Variants in MYO9A observed in about 807,000 individuals in gnomAD.
MYO9A encodes unconventional myosin-IXa.
A neutral mutation model predicts 293.3 loss-of-function variants in MYO9A; 103 were observed. The observed-to-expected ratio is 0.35, with a 90% CI of 0.30 to 0.41. The LOEUF is 0.41. Among genes scored for constraint, MYO9A ranks in the 10% least tolerant of loss-of-function variants. The probability of loss-of-function intolerance (pLI) is 1.00; values close to 1 mark genes in which losing one functional copy is unlikely to be tolerated. For missense variants in MYO9A, 2,685 were observed against 3,033.0 expected (o/e 0.89, Z 2.69); for synonymous variants, 1,001 against 1,035.7 (o/e 0.97, Z 0.64).
chr15:71,968,882 C>A (rs1366286527), intron 12 of MYO9A, among the ~76,000 whole-genome samples: 1 of 152,040 alleles, frequency 6.6e-6, no homozygotes, highest in Non-Finnish European at 1.5e-5. Context: ...TTAATGGTAG[C>A]TGAAATAATG....
intron 1 of MYO9A, among the ~76,000 whole-genome samples, chr15:72,072,300 T>G (rs898257092): frequency 6.6e-6 from 1 of 151,690 alleles, no homozygotes; most frequent in African/African-American, 2.4e-5. Context: ...CCTGGCTAAT[T>G]TTTTGTATTT....
intron 26 of MYO9A, chr15:71,892,961 T>G (rs1439546327): frequency 8.0e-7 from 1 of 1,251,508 alleles, no homozygotes; most frequent in South Asian, 1.3e-5. Flanking sequence ...TGCTGTAAAA[T>G]TACCATTTCG....
At chr15:71,915,631 G>A (rs952486488) in intron 19 of MYO9A, among the ~76,000 whole-genome samples, 3 of 152,016 alleles carry the variant, frequency 2.0e-5, no homozygotes, top group African/African-American at 7.2e-5. Context: ...AGCTGCAAAA[G>A]AAGCATTTTA....
intron 17 of MYO9A, 48 bp from the exon 18 acceptor site, chr15:71,933,757 A>G: frequency 6.8e-7 from 1 of 1,479,436 alleles, no homozygotes; most frequent in Non-Finnish European, 9.3e-7. Context: ...ATAAAAACAA[A>G]AACAAAAGCT....
intron 18 of MYO9A, among the ~76,000 whole-genome samples, chr15:71,923,612 C>T (rs1426915507): frequency 1.3e-5 from 2 of 152,010 alleles, no homozygotes; most frequent in Non-Finnish European, 2.9e-5. Flanking sequence ...AGGAATTTAC[C>T]CATTTCTTCT....
intron 8 of MYO9A, among the ~76,000 whole-genome samples, chr15:72,002,726 G>A (rs1251768144): frequency 6.6e-6 from 1 of 152,112 alleles, no homozygotes; most frequent in Non-Finnish European, 1.5e-5. Flanking sequence ...TAGGAATGAT[G>A]AACACCAAAT....
intron 12 of MYO9A, among the ~76,000 whole-genome samples, chr15:71,975,074 C>T (rs2076102936): frequency 6.6e-6 from 1 of 152,128 alleles, no homozygotes; most frequent in Non-Finnish European, 1.5e-5. Flanking sequence ...TGTATGTTTG[C>T]GGAGACTGCT....
At chr15:72,006,500 T>G (rs937692835) in intron 8 of MYO9A, among the ~76,000 whole-genome samples, 1 of 152,212 alleles carries the variant, frequency 6.6e-6, no homozygotes, top group Non-Finnish European at 1.5e-5. Flanking sequence ...CAAATCTATA[T>G]ATCTACTAAA....
intron 33 of MYO9A, among the ~76,000 whole-genome samples, chr15:71,860,954 T>C (rs1296911112): frequency 4.0e-5 from 3 of 75,832 alleles, no homozygotes; most frequent in Non-Finnish European, 7.2e-5. Context: ...GCAACAAAGT[T>C]AGACTCCATC....
At chr15:71,914,054 T>C (rs1158230182) in intron 19 of MYO9A, among the ~76,000 whole-genome samples, 2 of 152,174 alleles carry the variant, frequency 1.3e-5, no homozygotes, top group Non-Finnish European at 2.9e-5. Context: ...CCACAGAGAC[T>C]CAAGGAGACC....
At chr15:71,978,492 A>AT (rs1008422156) in intron 11 of MYO9A, among the ~76,000 whole-genome samples, 200 bp from the exon 12 acceptor site, 55 of 152,124 alleles carry the variant, frequency 3.6e-4, no homozygotes, top group African/African-American at 1.3e-3. Flanking sequence ...CATGCCACAA[A>AT]TTTTTTTTGT....
chr15:72,056,104 T>C (rs1250117045), intron 1 of MYO9A, among the ~76,000 whole-genome samples: 1 of 152,190 alleles, frequency 6.6e-6, no homozygotes, highest in Non-Finnish European at 1.5e-5. Context: ...GGCACGGGCC[T>C]GTAGCCCCAA....
chr15:72,112,719 G>A (rs796553051), intron 1 of MYO9A, among the ~76,000 whole-genome samples: 11 of 152,222 alleles, frequency 7.2e-5, no homozygotes, highest in African/African-American at 2.6e-4. Flanking sequence ...ACACAAAATA[G>A]GTACAGAAAC....
At chr15:71,939,242 T>TG (rs1042561773) in intron 15 of MYO9A, among the ~76,000 whole-genome samples, 1 of 152,136 alleles carries the variant, frequency 6.6e-6, no homozygotes, top group African/African-American at 2.4e-5. Context: ...GGGGTACACA[T>TG]GAAGGTTTGT....
At chr15:71,870,970 C>T (rs565584310) in intron 32 of MYO9A, among the ~76,000 whole-genome samples, 63 of 152,248 alleles carry the variant, frequency 4.1e-4, no homozygotes, top group Non-Finnish European at 7.1e-4. Flanking sequence ...ACAACTGATA[C>T]ACTATTAAAG....
chr15:71,860,969 C>CAAAAAAAAAAAAAAAAAAAAAAAAAAA (rs61030744), intron 33 of MYO9A, among the ~76,000 whole-genome samples: 13 of 32,414 alleles, frequency 4.0e-4, no homozygotes, highest in Non-Finnish European at 6.4e-4. Flanking sequence ...TCCATCTCAC[C>CAAAAAAAAAAAAAAAAAAAAAAAAAAA]AAAAAAAAAA....
intron 38 of MYO9A, among the ~76,000 whole-genome samples, chr15:71,849,223 G>A (rs1432828499): frequency 6.6e-6 from 1 of 152,174 alleles, no homozygotes; most frequent in Non-Finnish European, 1.5e-5. Context: ...GCCGAGGCGG[G>A]TGGATCACCT....
chr15:71,973,330 G>C (rs1298516479), intron 12 of MYO9A, among the ~76,000 whole-genome samples: 5 of 152,116 alleles, frequency 3.3e-5, no homozygotes, highest in African/African-American at 1.2e-4. Flanking sequence ...ATAGTGTGAA[G>C]GAATAGTTCC....
intron 4 of MYO9A, among the ~76,000 whole-genome samples, chr15:72,024,458 G>A (rs2077601966): frequency 6.6e-6 from 1 of 152,054 alleles, no homozygotes. Flanking sequence ...TTTTTGTAGA[G>A]ATAAGGTTTT....
Sources: allele counts gnomAD v4.1 joint callset (sites outside exome capture counted in the v4.1 genomes callset), GRCh38; gene constraint gnomAD v4.1.1; transcripts MANE v1.5; gene names NCBI Gene and HGNC (gene_info 2026-07-23, HGNC 2026-07-21).